Variants in NEDD4L observed in about 807,000 individuals in gnomAD.
NEDD4L encodes NEDD4 like E3 ubiquitin protein ligase.
Under a neutral mutation model 148.9 loss-of-function variants are expected in NEDD4L, and 54 were observed. The ratio of observed to expected loss-of-function variants is 0.36; its 90% confidence interval spans 0.29 to 0.45. The LOEUF (loss-of-function observed/expected upper bound fraction) is 0.45, where lower values mean the gene tolerates loss of function less well. NEDD4L is among the 20% of genes least tolerant of loss of function. NEDD4L has a pLI of 1.00. For missense variants in NEDD4L, 856 were observed against 1,233.8 expected, an observed-to-expected ratio of 0.69 and a Z score of 4.59; for synonymous variants, 433 against 440.7, an observed-to-expected ratio of 0.98 and a Z score of 0.22.
At chr18:58,356,238 A>G (rs559504091) in intron 18 of NEDD4L, among the ~76,000 whole-genome samples, 1 of 151,478 alleles carries the variant, frequency 6.6e-6, no homozygotes, top group East Asian at 1.9e-4. Flanking sequence ...GATTACAGGC[A>G]TGAGCCACTG....
chr18:58,287,550 C>T (rs758085442), intron 5 of NEDD4L, among the ~76,000 whole-genome samples: 1 of 152,202 alleles, frequency 6.6e-6, no homozygotes, highest in Non-Finnish European at 1.5e-5. Context: ...TAAGTTCTGA[C>T]TTCATAGAAC....
intron 2 of NEDD4L, among the ~76,000 whole-genome samples, chr18:58,232,639 G>A (rs1429205209): frequency 6.6e-6 from 1 of 152,152 alleles, no homozygotes; most frequent in Non-Finnish European, 1.5e-5. Flanking sequence ...ACCGTAATGT[G>A]GCTCTTTTTC....
intron 3 of NEDD4L, among the ~76,000 whole-genome samples, chr18:58,246,205 T>C (rs1457887849): frequency 1.3e-5 from 2 of 152,178 alleles, no homozygotes; most frequent in African/African-American, 4.8e-5. Flanking sequence ...TTTTTGTCTT[T>C]GTATGTTTCA....
intron 2 of NEDD4L, among the ~76,000 whole-genome samples, chr18:58,181,066 T>C (rs1288245684): frequency 2.0e-5 from 3 of 152,254 alleles, no homozygotes; most frequent in Non-Finnish European, 2.9e-5. Context: ...TCAGCAGGTA[T>C]TTAAGCCATT....
At chr18:58,271,995 T>C (rs2051106970) in intron 5 of NEDD4L, among the ~76,000 whole-genome samples, 1 of 152,232 alleles carries the variant, frequency 6.6e-6, no homozygotes, top group Non-Finnish European at 1.5e-5. Flanking sequence ...AGCCTAGGAC[T>C]GCAGTGTTAT....
At chr18:58,284,208 A>G (rs2053582247) in intron 5 of NEDD4L, among the ~76,000 whole-genome samples, 1 of 152,224 alleles carries the variant, frequency 6.6e-6, no homozygotes, top group Non-Finnish European at 1.5e-5. Context: ...ATCAATATAT[A>G]TTTTTATCAT....
At chr18:58,097,409 G>A (rs1045008170) in intron 1 of NEDD4L, among the ~76,000 whole-genome samples, 26 of 142,222 alleles carry the variant, frequency 1.8e-4, no homozygotes, top group African/African-American at 7.2e-4. Flanking sequence ...ACAAACACAT[G>A]TTTAGTTGAA....
At chr18:58,163,943 AGG>A (rs2036533498) in intron 1 of NEDD4L, among the ~76,000 whole-genome samples, 1 of 151,916 alleles carries the variant, frequency 6.6e-6, no homozygotes, top group Non-Finnish European at 1.5e-5. Context: ...GCCCTCACCT[AGG>A]TCTTGACTAA....
chr18:58,112,347 G>A (rs929953917), intron 1 of NEDD4L, among the ~76,000 whole-genome samples: 22 of 148,528 alleles, frequency 1.5e-4, no homozygotes, highest in African/African-American at 5.5e-4. Context: ...CTTAGGTGGT[G>A]GTTCCTATTT....
chr18:58,202,710 A>G (rs1416146345), intron 2 of NEDD4L, among the ~76,000 whole-genome samples: 1 of 152,186 alleles, frequency 6.6e-6, no homozygotes. Context: ...TAGCGTAGCC[A>G]TCCATTCCTG....
At chr18:58,188,213 T>C (rs1364220655) in intron 2 of NEDD4L, among the ~76,000 whole-genome samples, 1 of 152,194 alleles carries the variant, frequency 6.6e-6, no homozygotes, top group African/African-American at 2.4e-5. Context: ...TCTCCTTTCA[T>C]CAGACACCTC....
At chr18:58,283,287 G>C (rs1231120975) in intron 5 of NEDD4L, among the ~76,000 whole-genome samples, 3 of 152,108 alleles carry the variant, frequency 2.0e-5, no homozygotes, top group African/African-American at 7.2e-5. Flanking sequence ...TGTTGGTCAG[G>C]CTGGTCTCAA....
chr18:58,234,081 C>CTT (rs1392150242), intron 2 of NEDD4L, among the ~76,000 whole-genome samples: 1 of 94,560 alleles, frequency 1.1e-5, no homozygotes, highest in Non-Finnish European at 2.1e-5. Context: ...TTCTTTCTTT[C>CTT]TTTCTTTCTT....
chr18:58,339,952 A>C (rs1053352966), intron 13 of NEDD4L, among the ~76,000 whole-genome samples: 2 of 152,196 alleles, frequency 1.3e-5, no homozygotes, highest in Admixed American at 1.3e-4. Flanking sequence ...CAACTGCTAA[A>C]ATATCTGGAA....
rs766225899 is a variant in NEDD4L at position 58,262,830 on chromosome 18, CCT to C, written c.297+10777_297+10778del. On this transcript the variant is annotated intron_variant, in intron 5 of 30. Transcript: ENST00000400345. ...ATGTGAGTGGGCCTGAAAGTTAGCC[CCT>C]GATGTCCTGGCTGGTTTCATGCCAT... 6.6e-5 allele frequency among the ~76,000 whole-genome samples: 10 copies of C among 152,100 alleles called. No individual in the cohort carries two copies. The East Asian group carries it at 9.6e-4, about 15-fold the overall frequency.
At chr18:58,359,194 C>T (rs2045137137) in intron 19 of NEDD4L, among the ~76,000 whole-genome samples, 1 of 152,156 alleles carries the variant, frequency 6.6e-6, no homozygotes, top group Non-Finnish European at 1.5e-5. Context: ...TATATAACTA[C>T]ATTCTCTTTC....
intron 14 of NEDD4L, 102 bp from the exon 15 acceptor site, chr18:58,341,576 C>T (rs2042424854): frequency 7.8e-7 from 1 of 1,284,784 alleles, no homozygotes; most frequent in African/African-American, 1.5e-5. Context: ...TAGGCCAGAC[C>T]TCTTATTATT....
intron 1 of NEDD4L, among the ~76,000 whole-genome samples, chr18:58,080,946 G>C (rs148063526): frequency 5.7e-4 from 86 of 152,166 alleles, no homozygotes; most frequent in African/African-American, 2.0e-3. Context: ...TAGAGGGCTG[G>C]GGGGTATGAA....
chr18:58,342,460 T>C (rs533005285), intron 15 of NEDD4L, among the ~76,000 whole-genome samples: 1 of 152,346 alleles, frequency 6.6e-6, no homozygotes, highest in South Asian at 2.1e-4. Flanking sequence ...TGCTGTCTCT[T>C]CCACACTCTG....
Sources: allele counts gnomAD v4.1 joint callset (sites outside exome capture counted in the v4.1 genomes callset), GRCh38; gene constraint gnomAD v4.1.1; transcripts MANE v1.5; gene names NCBI Gene and HGNC (gene_info 2026-07-23, HGNC 2026-07-21).